CA8: variants seen among roughly 807,000 people sequenced by gnomAD.
The protein encoded by CA8 is carbonic anhydrase-related protein.
Under a neutral mutation model 41.4 loss-of-function variants are expected in CA8, and 22 were observed. The ratio of observed to expected loss-of-function variants is 0.53; its 90% confidence interval spans 0.38 to 0.76. The LOEUF (loss-of-function observed/expected upper bound fraction) is 0.76, where lower values mean the gene tolerates loss of function less well. Among genes scored for constraint, CA8 ranks in the 30% least tolerant of loss-of-function variants. The probability of loss-of-function intolerance (pLI) is 0.00; values close to 1 mark genes in which losing one functional copy is unlikely to be tolerated. For synonymous variants in CA8, 121 were observed against 130.6 expected, an observed-to-expected ratio of 0.93 and a Z score of 0.50; for missense variants, 270 against 352.8, an observed-to-expected ratio of 0.77 and a Z score of 1.88.
At chr8:60,253,547 C>A (rs1453792745) in intron 3 of CA8, among the ~76,000 whole-genome samples, 3 of 152,118 alleles carry the variant, frequency 2.0e-5, no homozygotes, top group Non-Finnish European at 4.4e-5. Flanking sequence ...CATTCCACCA[C>A]CCTAGTCCAC....
intron 2 of CA8, among the ~76,000 whole-genome samples, chr8:60,277,292 G>A (rs28532174): frequency 0.42 from 63,565 of 151,694 alleles, 13,515 homozygotes; most frequent in African/African-American, 0.49. Context: ...AACAGCAGCC[G>A]TAGGTGGGGA....
At chr8:60,269,502 C>T (rs187183528) in intron 2 of CA8, among the ~76,000 whole-genome samples, 79 of 152,282 alleles carry the variant, frequency 5.2e-4, no homozygotes, top group Non-Finnish European at 8.2e-4. Flanking sequence ...CTCTTTAATA[C>T]GCTTGGCAAT....
At chr8:60,241,940 T>C (rs1361251473) in intron 3 of CA8, among the ~76,000 whole-genome samples, 2 of 152,162 alleles carry the variant, frequency 1.3e-5, no homozygotes, top group Non-Finnish European at 2.9e-5. Flanking sequence ...TGCAATCCTC[T>C]CCCTGCTCAT....
intron 8 of CA8, among the ~76,000 whole-genome samples, chr8:60,206,313 T>C (rs962707061): frequency 2.0e-5 from 3 of 152,152 alleles, no homozygotes; most frequent in African/African-American, 7.2e-5. Context: ...ATGTGAAATA[T>C]ACAAAATCTC....
intron 7 of CA8, among the ~76,000 whole-genome samples, chr8:60,213,066 G>A (rs1806893264): frequency 6.6e-6 from 1 of 152,160 alleles, no homozygotes; most frequent in Non-Finnish European, 1.5e-5. Flanking sequence ...ATGTACTGCA[G>A]CCTTGTTTTT....
chr8:60,215,270 T>TA, intron 7 of CA8, among the ~76,000 whole-genome samples: 1 of 152,264 alleles, frequency 6.6e-6, no homozygotes, highest in Non-Finnish European at 1.5e-5. Context: ...TCCGAATGCT[T>TA]AGACGGTTGT....
At chr8:60,202,112 C>G (rs574404153) in intron 8 of CA8, among the ~76,000 whole-genome samples, 148 of 150,934 alleles carry the variant, frequency 9.8e-4, no homozygotes, top group African/African-American at 3.5e-3. Context: ...GGCACGATCT[C>G]GGATCACTGC....
chr8:60,277,123 GA>G (rs60441033), intron 2 of CA8, among the ~76,000 whole-genome samples: 21 of 139,172 alleles, frequency 1.5e-4, no homozygotes, highest in East Asian at 8.4e-4. Flanking sequence ...TGTCTCAAAA[GA>G]AAAAAAAAAA....
intron 1 of CA8, 145 bp downstream of exon 1, chr8:60,280,903 G>T: frequency 1.5e-6 from 1 of 688,564 alleles, no homozygotes; most frequent in Non-Finnish European, 2.6e-6. Context: ...CACCAGGGGA[G>T]TGGGAAAGTG....
rs189050882 is a variant in CA8 at position 60,249,944 on chromosome 8, A to G, written c.417+15981T>C. 2.0e-5 allele frequency among the ~76,000 whole-genome samples: 3 copies of G among 152,352 alleles called. No individual in the cohort carries two copies. In the East Asian group the frequency reaches 5.8e-4, roughly 29 times the overall value. On this transcript the variant is annotated intron_variant, in intron 3 of 8. Coordinates refer to ENST00000317995, the MANE Select transcript of CA8 (RefSeq NM_004056.6). ...TAAGGACAACATATGCTACTATTTTAGCGACAATCATAATACGCAAAGTGG... is the reference window on the plus strand; with the variant it reads ...TAAGGACAACATATGCTACTATTTTGGCGACAATCATAATACGCAAAGTGG...
intron 8 of CA8, among the ~76,000 whole-genome samples, chr8:60,192,937 G>GCACACACACACACA (rs377257462): frequency 5.7e-5 from 8 of 140,770 alleles, no homozygotes; most frequent in African/African-American, 1.6e-4. Flanking sequence ...TCAACATCAT[G>GCACACACACACACA]CACACACACA....
At chr8:60,257,702 G>T (rs1185829739) in intron 3 of CA8, among the ~76,000 whole-genome samples, 13 of 152,084 alleles carry the variant, frequency 8.5e-5, no homozygotes, top group Admixed American at 8.5e-4. Flanking sequence ...ATTTTGTTGG[G>T]TTACTTAAGT....
chr8:60,228,803 C>T (rs557061265), intron 4 of CA8, among the ~76,000 whole-genome samples: 8 of 152,286 alleles, frequency 5.3e-5, no homozygotes, highest in Non-Finnish European at 1.2e-4. Flanking sequence ...TAGCTCTTAA[C>T]GACTATTACT....
At chr8:60,269,663 C>A (rs1184183322) in intron 2 of CA8, among the ~76,000 whole-genome samples, 1 of 152,204 alleles carries the variant, frequency 6.6e-6, no homozygotes, top group African/African-American at 2.4e-5. Flanking sequence ...AATTCAAAGG[C>A]TAGTGCTCAA....
chr8:60,252,195 G>A (rs1808478914), intron 3 of CA8, among the ~76,000 whole-genome samples: 1 of 152,188 alleles, frequency 6.6e-6, no homozygotes, highest in Non-Finnish European at 1.5e-5. Flanking sequence ...TGAACAATAA[G>A]AAGGGTGTGA....
At chr8:60,204,310 T>C (rs1044306216) in intron 8 of CA8, among the ~76,000 whole-genome samples, 3 of 152,198 alleles carry the variant, frequency 2.0e-5, no homozygotes, top group Non-Finnish European at 1.5e-5. Flanking sequence ...TGAAATCTAC[T>C]GTATCTAGGG....
At chr8:60,195,173 T>C (rs1806246330) in intron 8 of CA8, among the ~76,000 whole-genome samples, 1 of 152,224 alleles carries the variant, frequency 6.6e-6, no homozygotes, top group Admixed American at 6.5e-5. Flanking sequence ...TATTATACAA[T>C]GATCAGTGTT....
At chr8:60,258,227 C>T (rs181763411) in intron 3 of CA8, among the ~76,000 whole-genome samples, 1 of 152,204 alleles carries the variant, frequency 6.6e-6, no homozygotes, top group Non-Finnish European at 1.5e-5. Context: ...AATAACAGTC[C>T]TAAAGTGTAG....
intron 8 of CA8, among the ~76,000 whole-genome samples, chr8:60,198,139 T>C (rs909315806): frequency 6.6e-6 from 1 of 152,180 alleles, no homozygotes; most frequent in African/African-American, 2.4e-5. Flanking sequence ...GAGCTCAGCA[T>C]TGGGAGTGGG....
Sources: allele counts gnomAD v4.1 joint callset (sites outside exome capture counted in the v4.1 genomes callset), GRCh38; gene constraint gnomAD v4.1.1; transcripts MANE v1.5; gene names NCBI Gene and HGNC (gene_info 2026-07-23, HGNC 2026-07-21).